SLC1A2: variants seen among roughly 807,000 people sequenced by gnomAD.
SLC1A2 encodes excitatory amino acid transporter 2.
SLC1A2 carries 15 observed loss-of-function variants against 48.8 expected under a neutral mutation model. The observed-to-expected ratio is 0.31, with a 90% CI of 0.21 to 0.47. SLC1A2 has a LOEUF of 0.47. SLC1A2 is among the 20% of genes least tolerant of loss of function. SLC1A2 has a pLI of 0.99. For synonymous variants in SLC1A2, 279 were observed against 272.6 expected (o/e 1.02, Z -0.23); for missense variants, 502 against 730.5 (o/e 0.69, Z 3.61).
intron 9 of SLC1A2, among the ~76,000 whole-genome samples, chr11:35,275,130 A>T (rs907694231): frequency 6.6e-6 from 1 of 152,152 alleles, no homozygotes; most frequent in Non-Finnish European, 1.5e-5. Context: ...TTTGAGAATG[A>T]ATGCTCTATT....
intron 1 of SLC1A2, among the ~76,000 whole-genome samples, chr11:35,361,951 A>G (rs56853825): frequency 0.04 from 6,153 of 152,246 alleles, 424 homozygotes; most frequent in African/African-American, 0.14. Flanking sequence ...ACTCTAGCCT[A>G]GGTGATAGAC....
chr11:35,319,919 G>A (rs1309404684), intron 1 of SLC1A2, among the ~76,000 whole-genome samples: 1 of 152,160 alleles, frequency 6.6e-6, no homozygotes, highest in Non-Finnish European at 1.5e-5. Flanking sequence ...CTTGATGTTT[G>A]CACATAGAAA....
At chr11:35,370,168 T>C (rs1854007900) in intron 1 of SLC1A2, among the ~76,000 whole-genome samples, 1 of 152,220 alleles carries the variant, frequency 6.6e-6, no homozygotes, top group African/African-American at 2.4e-5. Flanking sequence ...CAATTTAACC[T>C]GCACAACACC....
At chr11:35,312,891 C>T (rs1020469530) in intron 3 of SLC1A2, among the ~76,000 whole-genome samples, 4 of 152,058 alleles carry the variant, frequency 2.6e-5, no homozygotes. Context: ...AATATTTGAT[C>T]AATCCCATAG....
chr11:35,349,362 T>C (rs1853158201), intron 1 of SLC1A2, among the ~76,000 whole-genome samples: 1 of 152,226 alleles, frequency 6.6e-6, no homozygotes, highest in Admixed American at 6.5e-5. Context: ...TAATTTTCTA[T>C]GAATCCTCGG....
intron 1 of SLC1A2, among the ~76,000 whole-genome samples, chr11:35,405,999 C>G (rs978451374): frequency 1.5e-4 from 23 of 152,170 alleles, no homozygotes; most frequent in Admixed American, 9.2e-4. Context: ...TAACATTCAT[C>G]GTGATAATGA....
chr11:35,287,639 A>G (rs555611893), intron 7 of SLC1A2, among the ~76,000 whole-genome samples: 1 of 152,312 alleles, frequency 6.6e-6, no homozygotes, highest in South Asian at 2.1e-4. Flanking sequence ...AAGACTAAAT[A>G]TGAAGGGACT....
chr11:35,261,323 G>A (rs1328862643), intron 10 of SLC1A2, among the ~76,000 whole-genome samples: 2 of 152,184 alleles, frequency 1.3e-5, no homozygotes, highest in Non-Finnish European at 2.9e-5. Flanking sequence ...AACCACAGAG[G>A]AAGAAATCCA....
chr11:35,346,565 A>G (rs1051169343), intron 1 of SLC1A2, among the ~76,000 whole-genome samples: 1 of 152,274 alleles, frequency 6.6e-6, no homozygotes, highest in African/African-American at 2.4e-5. Context: ...AAACAAGAGT[A>G]ACTAATGACA....
At chr11:35,373,938 G>A (rs774980293) in intron 1 of SLC1A2, among the ~76,000 whole-genome samples, 3 of 152,180 alleles carry the variant, frequency 2.0e-5, no homozygotes, top group Admixed American at 1.3e-4. Flanking sequence ...TAAGAACGTC[G>A]GCTCCAAAGC....
chr11:35,305,324 G>A (rs1304649946), intron 5 of SLC1A2, among the ~76,000 whole-genome samples: 1 of 152,174 alleles, frequency 6.6e-6, no homozygotes, highest in Non-Finnish European at 1.5e-5. Context: ...GTGCTACTGT[G>A]CCCTATATGC....
chr11:35,322,618 G>C, intron 1 of SLC1A2: 1 of 1,535,184 alleles, frequency 6.5e-7, no homozygotes, highest in Non-Finnish European at 8.7e-7. Flanking sequence ...TTCAGGATCT[G>C]GAGAGGTACT....
chr11:35,310,704 G>A (rs1388586060), intron 4 of SLC1A2, among the ~76,000 whole-genome samples: 2 of 152,146 alleles, frequency 1.3e-5, no homozygotes, highest in African/African-American at 4.8e-5. Context: ...GTTTCTACCT[G>A]GGTTAATGGA....
chr11:35,357,671 T>C (rs1590224436), intron 1 of SLC1A2, among the ~76,000 whole-genome samples: 1 of 152,150 alleles, frequency 6.6e-6, no homozygotes, highest in Non-Finnish European at 1.5e-5. Context: ...AAAGACAGAA[T>C]TCCTTACCCA....
chr11:35,338,519 T>C (rs1282028375), intron 1 of SLC1A2, among the ~76,000 whole-genome samples: 3 of 152,170 alleles, frequency 2.0e-5, no homozygotes, highest in Non-Finnish European at 4.4e-5. Context: ...CAGTGAGATA[T>C]AGTCCTAAGA....
intron 6 of SLC1A2, among the ~76,000 whole-genome samples, chr11:35,300,055 T>C (rs1851302082): frequency 6.6e-6 from 1 of 152,210 alleles, no homozygotes; most frequent in Non-Finnish European, 1.5e-5. Context: ...TGATTGAAGA[T>C]GACAGAGCTT....
chr11:35,395,984 T>A (rs1354971565), intron 1 of SLC1A2, among the ~76,000 whole-genome samples: 2 of 149,436 alleles, frequency 1.3e-5, no homozygotes, highest in African/African-American at 5.0e-5. Flanking sequence ...ATTTCATCCA[T>A]GTCCCTACAA....
intron 1 of SLC1A2, chr11:35,390,913 G>A (rs532886836): frequency 6.6e-5 from 10 of 152,278 alleles, no homozygotes; most frequent in South Asian, 4.1e-4. Context: ...TGATCTGCCC[G>A]CCTCGGCCTC....
intron 5 of SLC1A2, among the ~76,000 whole-genome samples, chr11:35,302,235 C>A (rs1326947217): frequency 6.6e-6 from 1 of 152,004 alleles, no homozygotes; most frequent in Non-Finnish European, 1.5e-5. Context: ...AAAGGGAAAA[C>A]AATAAGGAAT....
Sources: gnomAD v4.1 joint callset for allele counts (sites outside exome capture counted in the v4.1 genomes callset) on GRCh38, gnomAD v4.1.1 for gene constraint, MANE v1.5 for transcripts, NCBI Gene and HGNC (gene_info 2026-07-23, HGNC 2026-07-21) for gene names.